The following TPD52 variants were observed in gnomAD, a reference collection of about 807,000 sequenced individuals.
TPD52 encodes the protein prostate and colon associated protein.
TPD52 carries 17 observed loss-of-function variants against 31.3 expected under a neutral mutation model. That is an observed-to-expected ratio of 0.54 (90% CI 0.37 to 0.82). TPD52 has a LOEUF of 0.82. Ranked by LOEUF, TPD52 falls within the 40% of genes least tolerant of loss-of-function variation. The pLI, the probability that TPD52 is intolerant of heterozygous loss-of-function variation, is 0.00. For missense variants in TPD52, 212 were observed against 240.1 expected (o/e 0.88, Z 0.77); for synonymous variants, 83 against 89.6 (o/e 0.93, Z 0.42).
intron 2 of TPD52, 92 bp from the exon 3 acceptor site, chr8:80,053,522 T>C: frequency 7.5e-7 from 1 of 1,338,766 alleles, no homozygotes; most frequent in Admixed American, 2.2e-5. Flanking sequence ...ATTCCAGTCA[T>C]TAAACATTTT....
rs572178046 is a variant in TPD52, at chr8:80,083,914, C to T, written c.20-19321G>A. Reference sequence around the variant, plus strand: ...ACTGGCTTTCCTCACAATGTTCTTACCTCTAGATTAGGCATCCTGAGTCTC... The same window carrying T: ...ACTGGCTTTCCTCACAATGTTCTTATCTCTAGATTAGGCATCCTGAGTCTC... On this transcript the variant is annotated intron_variant, in intron 1 of 7. Transcript: ENST00000518937. 6.7e-4 allele frequency among the ~76,000 whole-genome samples: 102 copies of T among 152,278 alleles called. No individual in the cohort carries two copies. The South Asian group carries it at 0.012, about 17-fold the overall frequency.
intron 7 of TPD52, among the ~76,000 whole-genome samples, chr8:80,041,004 A>AG (rs1219452080): frequency 6.6e-6 from 1 of 152,224 alleles, no homozygotes; most frequent in Admixed American, 6.5e-5. Context: ...AATAAGCTGT[A>AG]GGACTGTGTG....
At chr8:80,104,234 T>C (rs1435526640) in intron 1 of TPD52, among the ~76,000 whole-genome samples, 1 of 152,194 alleles carries the variant, frequency 6.6e-6, no homozygotes, top group Non-Finnish European at 1.5e-5. Flanking sequence ...AAGTTATTCT[T>C]TGGTCTCCCA....
intron 2 of TPD52, among the ~76,000 whole-genome samples, chr8:80,057,405 T>C (rs1450457192): frequency 6.6e-6 from 1 of 152,176 alleles, no homozygotes; most frequent in Non-Finnish European, 1.5e-5. Flanking sequence ...TGCATCACTA[T>C]TCACAATAGC....
intron 5 of TPD52, among the ~76,000 whole-genome samples, chr8:80,044,978 TC>T (rs1267343622): frequency 6.6e-6 from 1 of 152,188 alleles, no homozygotes; most frequent in Non-Finnish European, 1.5e-5. Flanking sequence ...TCAATGTAGG[TC>T]CTCAAATCTA....
chr8:80,117,858 G>A (rs561130992), intron 1 of TPD52, among the ~76,000 whole-genome samples: 50 of 149,540 alleles, frequency 3.3e-4, no homozygotes, highest in Middle Eastern at 3.6e-3. Flanking sequence ...TCAGCCTCCC[G>A]AGTAGCTGGG....
At chr8:80,044,307 T>A (rs1333912879) in intron 5 of TPD52, 99 bp from the exon 6 acceptor site, 2 of 904,620 alleles carry the variant, frequency 2.2e-6, no homozygotes, top group African/African-American at 1.8e-5. Context: ...GGAGCTTTAT[T>A]CTCTTGGCGC....
chr8:80,042,129 A>G, intron 7 of TPD52: 1 of 960,224 alleles, frequency 1.0e-6, no homozygotes, highest in Non-Finnish European at 1.2e-6. Flanking sequence ...ATTGCACATA[A>G]TATTGAAAGA....
intron 1 of TPD52, among the ~76,000 whole-genome samples, chr8:80,113,303 G>A (rs1807632514): frequency 6.7e-6 from 1 of 149,612 alleles, no homozygotes; most frequent in African/African-American, 2.4e-5. Flanking sequence ...CAATGATGCA[G>A]AGAAAAGGGA....
At chr8:80,097,081 A>G (rs987595916) in intron 1 of TPD52, among the ~76,000 whole-genome samples, 1 of 152,198 alleles carries the variant, frequency 6.6e-6, no homozygotes, top group African/African-American at 2.4e-5. Context: ...GAGGGCAAAA[A>G]CAGCCTTATT....
chr8:80,163,312 T>C (rs1811484714), intron 1 of TPD52, among the ~76,000 whole-genome samples: 1 of 152,222 alleles, frequency 6.6e-6, no homozygotes. Flanking sequence ...AATTGGGTCA[T>C]GTGCTACACA....
intron 1 of TPD52, among the ~76,000 whole-genome samples, chr8:80,107,605 C>T (rs779451702): frequency 6.6e-6 from 1 of 152,102 alleles, no homozygotes; most frequent in Non-Finnish European, 1.5e-5. Flanking sequence ...TATACACACA[C>T]ATATGTGATA....
rs573674876 is a variant in TPD52 at position 80,043,799 on chromosome 8, G to A, written c.455+368C>T. On this transcript the variant is annotated intron_variant, in intron 6 of 7. Coordinates refer to ENST00000518937, the MANE Select transcript of TPD52 (RefSeq NM_001025253.3). ...CTCCAAATGTCACAGTGGGATGGGG[G>A]AAGTGAAAATGGGAAGGATGAAGAA... is the stretch of plus-strand genomic sequence containing the variant. 9.2e-5 allele frequency among the ~76,000 whole-genome samples: 14 copies of A among 152,314 alleles called. No homozygotes were observed. In the South Asian group the frequency reaches 2.5e-3, roughly 27 times the overall value.
At chr8:80,077,702 C>T (rs1044466466) in intron 1 of TPD52, among the ~76,000 whole-genome samples, 3 of 152,154 alleles carry the variant, frequency 2.0e-5, no homozygotes, top group African/African-American at 4.8e-5. Flanking sequence ...TCTTCACATC[C>T]GTAAAATGAA....
intron 1 of TPD52, among the ~76,000 whole-genome samples, chr8:80,093,012 C>G (rs1390128648): frequency 6.6e-6 from 1 of 151,898 alleles, no homozygotes; most frequent in African/African-American, 2.4e-5. Flanking sequence ...AATATAAAAA[C>G]TATAAAAAAT....
intron 1 of TPD52, among the ~76,000 whole-genome samples, chr8:80,090,170 T>C (rs1381166134): frequency 6.6e-6 from 1 of 152,026 alleles, no homozygotes; most frequent in African/African-American, 2.4e-5. Context: ...GGCAGGAGGA[T>C]AGCTTGAGGC....
At chr8:80,138,105 G>T (rs542863773) in intron 1 of TPD52, among the ~76,000 whole-genome samples, 6 of 151,934 alleles carry the variant, frequency 3.9e-5, no homozygotes, top group African/African-American at 1.5e-4. Context: ...CACCACGCCC[G>T]GCTAATTTTG....
chr8:80,122,625 AC>A (rs1250655354), intron 1 of TPD52, among the ~76,000 whole-genome samples: 1 of 152,152 alleles, frequency 6.6e-6, no homozygotes, highest in African/African-American at 2.4e-5. Context: ...ACATACAAAT[AC>A]CCAAAGTACA....
chr8:80,169,586 T>C (rs555778551), intron 1 of TPD52, among the ~76,000 whole-genome samples: 3 of 152,314 alleles, frequency 2.0e-5, no homozygotes, highest in Admixed American at 2.0e-4. Context: ...GTTACTCCAC[T>C]CACGTAAGTA....
Sources: allele counts gnomAD v4.1 joint callset (sites outside exome capture counted in the v4.1 genomes callset), GRCh38; gene constraint gnomAD v4.1.1; transcripts MANE v1.5; gene names NCBI Gene and HGNC (gene_info 2026-07-23, HGNC 2026-07-21).